NOL4: variants seen among roughly 807,000 people sequenced by gnomAD.
The protein encoded by NOL4 is nucleolar protein 4.
Under a neutral mutation model 75.9 loss-of-function variants are expected in NOL4, and 17 were observed. The ratio of observed to expected loss-of-function variants is 0.22; its 90% CI spans 0.15 to 0.34. The LOEUF (loss-of-function observed/expected upper bound fraction) is 0.34. NOL4 is among the 10% of genes least tolerant of loss of function. NOL4 has a pLI of 1.00. For synonymous variants in NOL4, 292 were observed against 289.9 expected, an observed-to-expected ratio of 1.01 and a Z score of -0.07; for missense variants, 614 against 793.5, an observed-to-expected ratio of 0.77 and a Z score of 2.72.
At chr18:34,074,938 T>C (rs987588261) in intron 5 of NOL4, among the ~76,000 whole-genome samples, 1 of 152,164 alleles carries the variant, frequency 6.6e-6, no homozygotes, top group African/African-American at 2.4e-5. Context: ...CTTATTGCAA[T>C]AGCCCTGGTA....
At chr18:33,957,197 C>A in intron 8 of NOL4, 129 bp downstream of exon 8, 1 of 668,684 alleles carries the variant, frequency 1.5e-6, no homozygotes, top group Non-Finnish European at 2.4e-6. Context: ...AACGAGCAAA[C>A]AAAACCCCCT....
In NOL4 at chr18:33,943,057, C is replaced by T. The variant is rs1198329701; in HGVS notation, c.1542+8G>A. The T allele has an allele frequency of 6.3e-6, 10 of 1,593,006 alleles. No homozygotes were observed. The highest frequency in any genetic ancestry group is 8.6e-6 in the Non-Finnish European group (10 of 1,162,464). ...TGGTGTTCACCAGACTTCAAGATGC[C>T]TCAGTACCTGCTGTCTCTCCAGACG... On this transcript the variant is annotated splice_region_variant and intron_variant, in intron 9 of 10. Transcript: ENST00000261592.
At chr18:33,997,590 C>T (rs1346259678) in intron 6 of NOL4, among the ~76,000 whole-genome samples, 2 of 150,524 alleles carry the variant, frequency 1.3e-5, no homozygotes, top group Non-Finnish European at 3.0e-5. Flanking sequence ...CACATTACCT[C>T]ACATCAAACT....
At chr18:34,096,657 C>T (rs1439685834) in intron 4 of NOL4, among the ~76,000 whole-genome samples, 1 of 152,068 alleles carries the variant, frequency 6.6e-6, no homozygotes, top group Admixed American at 6.6e-5. Context: ...AAAAAACTCT[C>T]CACATCATAC....
At chr18:33,972,459 T>A (rs2071149426) in intron 6 of NOL4, among the ~76,000 whole-genome samples, 1 of 152,138 alleles carries the variant, frequency 6.6e-6, no homozygotes, top group South Asian at 2.1e-4. Context: ...TATATATTTT[T>A]AAAAAAGTGT....
Position 34,034,923 on chromosome 18 carries a change from G to A in NOL4, c.773-15322C>T, listed in dbSNP as rs117828914. Among the ~76,000 whole-genome samples the A allele has an allele frequency of 1.1e-3, 174 of 151,590 alleles. No homozygotes were observed. The East Asian group carries it at 0.029, about 25-fold the overall frequency. On this transcript the variant is annotated intron_variant, in intron 5 of 10. Transcript: ENST00000261592. ...AGGATATAAACATTCTAAATATATA[G>A]GCACCCAACACTGGAGCACCCAGAT...
At chr18:33,975,096 A>G (rs1333304557) in intron 6 of NOL4, among the ~76,000 whole-genome samples, 2 of 152,174 alleles carry the variant, frequency 1.3e-5, no homozygotes, top group South Asian at 4.1e-4. Context: ...AATTTCACTT[A>G]CGTGAGGTAT....
intron 1 of NOL4, among the ~76,000 whole-genome samples, chr18:34,186,829 T>A (rs1345317166): frequency 3.9e-5 from 6 of 152,196 alleles, no homozygotes; most frequent in African/African-American, 1.4e-4. Flanking sequence ...GAAGCTTTTT[T>A]AAAAAAACAA....
intron 1 of NOL4, among the ~76,000 whole-genome samples, chr18:34,188,311 G>A (rs888345332): frequency 6.6e-6 from 1 of 152,152 alleles, no homozygotes; most frequent in African/African-American, 2.4e-5. Context: ...AGTCTCAGGG[G>A]TGTCTAAGAT....
intron 2 of NOL4, among the ~76,000 whole-genome samples, chr18:34,117,180 C>G (rs1455547252): frequency 1.3e-5 from 2 of 152,276 alleles, no homozygotes; most frequent in Admixed American, 1.3e-4. Flanking sequence ...TTAATCCTCA[C>G]AACAGTCCCA....
chr18:34,176,645 T>C (rs527538838), intron 1 of NOL4, among the ~76,000 whole-genome samples: 1 of 152,190 alleles, frequency 6.6e-6, no homozygotes, highest in African/African-American at 2.4e-5. Flanking sequence ...GGTGCCCTTA[T>C]ATGTAGAAAT....
intron 5 of NOL4, among the ~76,000 whole-genome samples, chr18:34,044,110 T>C (rs183603300): frequency 6.6e-6 from 1 of 152,200 alleles, no homozygotes; most frequent in African/African-American, 2.4e-5. Flanking sequence ...GTGTTATTTC[T>C]CTTTCTTTTA....
At chr18:33,919,630 C>A (rs2066916990) in intron 9 of NOL4, among the ~76,000 whole-genome samples, 1 of 151,972 alleles carries the variant, frequency 6.6e-6, no homozygotes, top group African/African-American at 2.4e-5. Context: ...CTTGTTTAGC[C>A]CTTTACAGCT....
At chr18:34,053,267 AT>A (rs1177238587) in intron 5 of NOL4, among the ~76,000 whole-genome samples, 3 of 151,990 alleles carry the variant, frequency 2.0e-5, no homozygotes, top group Non-Finnish European at 4.4e-5. Context: ...ATACTCTTAA[AT>A]TGCCAAGAGC....
At chr18:34,071,261 C>G (rs2077502421) in intron 5 of NOL4, among the ~76,000 whole-genome samples, 1 of 152,048 alleles carries the variant, frequency 6.6e-6, no homozygotes, top group African/African-American at 2.4e-5. Context: ...GAACAAAGCT[C>G]TTTTAGTAAA....
At chr18:33,973,272 T>C (rs1401907090) in intron 6 of NOL4, among the ~76,000 whole-genome samples, 1 of 152,182 alleles carries the variant, frequency 6.6e-6, no homozygotes, top group Non-Finnish European at 1.5e-5. Flanking sequence ...TCTGTTCAAG[T>C]TTTATCATAA....
intron 9 of NOL4, among the ~76,000 whole-genome samples, chr18:33,900,989 C>T (rs2065715836): frequency 6.6e-6 from 1 of 152,060 alleles, no homozygotes; most frequent in Non-Finnish European, 1.5e-5. Flanking sequence ...TAAATGAGTA[C>T]TTGTACATTA....
chr18:33,907,082 G>A (rs1172156291), intron 9 of NOL4, among the ~76,000 whole-genome samples: 1 of 152,096 alleles, frequency 6.6e-6, no homozygotes, highest in Non-Finnish European at 1.5e-5. Flanking sequence ...CCAGCACTTT[G>A]GGAGGCCGAG....
intron 2 of NOL4, among the ~76,000 whole-genome samples, chr18:34,111,097 A>T (rs571212492): frequency 6.6e-6 from 1 of 152,300 alleles, no homozygotes; most frequent in African/African-American, 2.4e-5. Context: ...CTGGATAACC[A>T]AATGTGGAAG....
Sources: gnomAD v4.1 joint callset for allele counts (sites outside exome capture counted in the v4.1 genomes callset) on GRCh38, gnomAD v4.1.1 for gene constraint, MANE v1.5 for transcripts, NCBI Gene and HGNC (gene_info 2026-07-23, HGNC 2026-07-21) for gene names.